The following CUBN variants were observed in gnomAD, a reference collection of about 807,000 sequenced individuals.
CUBN encodes cubilin, also known as 460 kDa receptor.
CUBN carries 282 observed loss-of-function variants against 405.3 expected under a neutral mutation model. The observed-to-expected ratio is 0.70, with a 90% CI of 0.63 to 0.77. The LOEUF (loss-of-function observed/expected upper bound fraction) is 0.77. Ranked by LOEUF, CUBN falls within the 30% of genes least tolerant of loss-of-function variation. The probability of loss-of-function intolerance (pLI) is 0.00; values close to 1 mark genes in which losing one functional copy is unlikely to be tolerated. For synonymous variants in CUBN, 1,684 were observed against 1,617.0 expected (o/e 1.04, Z -0.99); for missense variants, 4,514 against 4,475.2 (o/e 1.01, Z -0.25).
intron 28 of CUBN, among the ~76,000 whole-genome samples, chr10:16,997,984 C>A (rs141100013): frequency 3.3e-5 from 5 of 151,816 alleles, no homozygotes. Flanking sequence ...AGGAAGGGGA[C>A]ACAAACTGGA....
chr10:16,941,061 C>G (rs910187323), intron 36 of CUBN, among the ~76,000 whole-genome samples: 7 of 152,166 alleles, frequency 4.6e-5, no homozygotes, highest in Non-Finnish European at 7.3e-5. Context: ...TCTAAAGAGT[C>G]TGGAACATGT....
chr10:17,117,720 G>A (rs542058593), intron 6 of CUBN, among the ~76,000 whole-genome samples: 5 of 152,144 alleles, frequency 3.3e-5, no homozygotes, highest in South Asian at 2.1e-4. Flanking sequence ...GTGAGCCACC[G>A]CACCCTGCTG....
chr10:16,891,840 T>C (rs78625146), intron 54 of CUBN, among the ~76,000 whole-genome samples: 14 of 152,104 alleles, frequency 9.2e-5, no homozygotes, highest in Non-Finnish European at 1.5e-4. Context: ...TCACACTCGG[T>C]GTGATGGGTA....
At chr10:17,102,828 G>C (rs533030425) in intron 13 of CUBN, among the ~76,000 whole-genome samples, 1 of 151,788 alleles carries the variant, frequency 6.6e-6, no homozygotes, top group Non-Finnish European at 1.5e-5. Context: ...ATATTGACCA[G>C]ACTGGTCTGG....
chr10:17,055,654 TA>T (rs1564497148), intron 22 of CUBN, among the ~76,000 whole-genome samples: 1 of 152,062 alleles, frequency 6.6e-6, no homozygotes, highest in African/African-American at 2.4e-5. Flanking sequence ...TAAAATAGCA[TA>T]TATAATATGG....
At chr10:16,884,580 T>C (rs530770709) in intron 56 of CUBN, among the ~76,000 whole-genome samples, 3 of 152,220 alleles carry the variant, frequency 2.0e-5, no homozygotes, top group African/African-American at 7.2e-5. Flanking sequence ...GTAAAAGTAA[T>C]GAGAAAGTTA....
intron 31 of CUBN, among the ~76,000 whole-genome samples, chr10:16,957,662 A>G (rs1160953536): frequency 6.6e-6 from 1 of 152,230 alleles, no homozygotes; most frequent in East Asian, 1.9e-4. Context: ...TATGAAAAAC[A>G]GTATGGACAT....
intron 31 of CUBN, among the ~76,000 whole-genome samples, chr10:16,980,895 GA>G (rs5783529): frequency 0.67 from 95,646 of 142,474 alleles, 31,985 homozygotes; most frequent in Non-Finnish European, 0.78. Context: ...AAAACAGAAA[GA>G]AAAAAAAAAC....
intron 21 of CUBN, among the ~76,000 whole-genome samples, chr10:17,067,407 T>C (rs969299897): frequency 1.3e-5 from 2 of 152,098 alleles, no homozygotes; most frequent in Non-Finnish European, 2.9e-5. Context: ...GATTAGACAT[T>C]GCATAAGAAA....
At chr10:17,050,967 C>G (rs1278597101) in intron 22 of CUBN, among the ~76,000 whole-genome samples, 1 of 152,004 alleles carries the variant, frequency 6.6e-6, no homozygotes, top group Non-Finnish European at 1.5e-5. Context: ...AGAGTGTCTA[C>G]AACACATAAT....
intron 21 of CUBN, 151 bp downstream of exon 21, chr10:17,067,913 A>G (rs1835648346): frequency 1.5e-6 from 1 of 674,894 alleles, no homozygotes. Flanking sequence ...CAAGGCCACA[A>G]CTACAGAGTA....
At chr10:16,896,880 T>A (rs1402002588) in intron 54 of CUBN, among the ~76,000 whole-genome samples, 2 of 152,224 alleles carry the variant, frequency 1.3e-5, no homozygotes, top group Non-Finnish European at 2.9e-5. Context: ...TTGTGCAGAC[T>A]GGGTGAATTC....
chr10:17,075,886 A>G (rs917276012), intron 17 of CUBN, among the ~76,000 whole-genome samples: 1 of 152,324 alleles, frequency 6.6e-6, no homozygotes. Flanking sequence ...GCAAATAGGT[A>G]TTTGACAAAT....
chr10:16,962,750 A>C (rs966365945), intron 31 of CUBN, among the ~76,000 whole-genome samples: 5 of 152,090 alleles, frequency 3.3e-5, no homozygotes, highest in Non-Finnish European at 7.4e-5. Flanking sequence ...TGTGGCAGGG[A>C]GTCAAGGGAG....
At chr10:16,868,658 A>G (rs937741329) in intron 59 of CUBN, among the ~76,000 whole-genome samples, 1 of 152,202 alleles carries the variant, frequency 6.6e-6, no homozygotes, top group Admixed American at 6.5e-5. Flanking sequence ...AGTTAATTTG[A>G]TATGGGTATT....
chr10:16,948,775 T>C (rs1022262508), intron 34 of CUBN, among the ~76,000 whole-genome samples, 169 bp from the exon 35 acceptor site: 1 of 152,106 alleles, frequency 6.6e-6, no homozygotes, highest in Admixed American at 6.6e-5. Context: ...TACCTGATGA[T>C]TTAAAATAAA....
intron 22 of CUBN, among the ~76,000 whole-genome samples, chr10:17,054,709 C>A (rs746263915): frequency 6.6e-6 from 1 of 151,900 alleles, no homozygotes; most frequent in Non-Finnish European, 1.5e-5. Context: ...ATATATTTGA[C>A]AACATACATA....
intron 13 of CUBN, among the ~76,000 whole-genome samples, chr10:17,102,412 G>T (rs532984275): frequency 2.2e-4 from 33 of 151,142 alleles, no homozygotes; most frequent in African/African-American, 7.0e-4. Context: ...TCAGCCTCCC[G>T]AGTACCTGAG....
At chr10:17,111,164 A>G in intron 8 of CUBN, 114 bp from the exon 9 acceptor site, 1 of 1,216,376 alleles carries the variant, frequency 8.2e-7, no homozygotes, top group Non-Finnish European at 1.2e-6. Flanking sequence ...TAAAATAAAA[A>G]TGAGATATGC....
Sources: allele counts gnomAD v4.1 joint callset (sites outside exome capture counted in the v4.1 genomes callset), GRCh38; gene constraint gnomAD v4.1.1; transcripts MANE v1.5; gene names NCBI Gene and HGNC (gene_info 2026-07-23, HGNC 2026-07-21).